The following STXBP5L variants were observed in gnomAD, a reference collection of about 807,000 sequenced individuals.
STXBP5L encodes syntaxin binding protein 5L.
In STXBP5L, 65 loss-of-function variants were observed where a neutral mutation model predicts 144.5. The observed-to-expected ratio is 0.45, with a 90% CI of 0.37 to 0.55. The LOEUF (loss-of-function observed/expected upper bound fraction) is 0.55. STXBP5L is among the 20% of genes least tolerant of loss of function. STXBP5L has a pLI of 0.00. For missense variants in STXBP5L, 1,298 were observed against 1,405.5 expected (o/e 0.92, Z 1.22); for synonymous variants, 505 against 469.6 (o/e 1.08, Z -0.97).
intron 6 of STXBP5L, among the ~76,000 whole-genome samples, chr3:121,115,629 A>T (rs1436886135): frequency 6.6e-6 from 1 of 152,150 alleles, no homozygotes; most frequent in Non-Finnish European, 1.5e-5. Flanking sequence ...AGCCATCTGT[A>T]TTCAGCCATT....
chr3:120,992,936 C>A (rs1376147136), intron 3 of STXBP5L, among the ~76,000 whole-genome samples: 1 of 152,044 alleles, frequency 6.6e-6, no homozygotes, highest in Non-Finnish European at 1.5e-5. Context: ...ATAAGAGTTC[C>A]TTTTCTCCAC....
intron 7 of STXBP5L, among the ~76,000 whole-genome samples, chr3:121,152,011 G>A (rs1442271282): frequency 1.3e-5 from 2 of 151,490 alleles, no homozygotes; most frequent in East Asian, 3.9e-4. Context: ...ATCTTCAGAG[G>A]GTTCATAAAA....
intron 9 of STXBP5L, among the ~76,000 whole-genome samples, chr3:121,176,725 T>C: frequency 6.6e-6 from 1 of 151,630 alleles, no homozygotes; most frequent in East Asian, 1.9e-4. Flanking sequence ...AGAACAAATG[T>C]TCTCATCTAA....
At chr3:121,408,397 T>A (rs1023233911) in intron 23 of STXBP5L, among the ~76,000 whole-genome samples, 2 of 151,884 alleles carry the variant, frequency 1.3e-5, no homozygotes, top group African/African-American at 4.8e-5. Flanking sequence ...GATATAAAAA[T>A]TAGTAGAACA....
At chr3:120,981,922 T>G (rs4311161) in intron 3 of STXBP5L, among the ~76,000 whole-genome samples, 15,155 of 152,184 alleles carry the variant, frequency 0.1, 1,193 homozygotes, top group Admixed American at 0.2. Context: ...CTTTCAGGTA[T>G]CAAGGTACTG....
chr3:121,233,335 T>C (rs1328685647), intron 11 of STXBP5L, among the ~76,000 whole-genome samples: 2 of 152,186 alleles, frequency 1.3e-5, no homozygotes, highest in African/African-American at 4.8e-5. Flanking sequence ...ACAGATTCAC[T>C]GTCTTCACAT....
chr3:121,334,127 C>T (rs1338204349), intron 20 of STXBP5L, among the ~76,000 whole-genome samples: 2 of 152,060 alleles, frequency 1.3e-5, no homozygotes, highest in Non-Finnish European at 2.9e-5. Flanking sequence ...GTGACTTGCT[C>T]CTTTTTGCCT....
chr3:121,054,033 A>G (rs1317870075), intron 5 of STXBP5L, among the ~76,000 whole-genome samples: 2 of 152,186 alleles, frequency 1.3e-5, no homozygotes, highest in Admixed American at 6.5e-5. Flanking sequence ...AATCAAAACC[A>G]CAATGAGATA....
chr3:120,992,174 C>A (rs1440110126), intron 3 of STXBP5L, among the ~76,000 whole-genome samples: 1 of 151,752 alleles, frequency 6.6e-6, no homozygotes. Flanking sequence ...TAGATTGATT[C>A]TTAATATTTC....
At chr3:121,300,645 A>G (rs1411805515) in intron 19 of STXBP5L, among the ~76,000 whole-genome samples, 4 of 152,156 alleles carry the variant, frequency 2.6e-5, no homozygotes, top group Non-Finnish European at 4.4e-5. Context: ...AGAGAGGTGT[A>G]GCTAAGAAGC....
chr3:121,006,500 A>G (rs1281221845), intron 3 of STXBP5L, among the ~76,000 whole-genome samples: 10 of 151,772 alleles, frequency 6.6e-5, no homozygotes, highest in East Asian at 1.9e-4. Context: ...TCTTGACTCT[A>G]TCCACTTTGC....
Position 121,418,984 on chromosome 3 carries a change from C to T in STXBP5L, c.3448-72C>T. 2.0e-6 allele frequency: 3 copies of T among 1,495,070 alleles called. No individual in the cohort carries two copies. In the South Asian group the frequency reaches 3.8e-5, roughly 19 times the overall value. The allele number at this position is 1,495,070 out of a possible 1,614,324, so 92.6% of individuals were successfully genotyped here. On this transcript the variant is annotated intron_variant, in intron 26 of 26. Transcript: ENST00000471454. The stretch of plus-strand genomic sequence containing the variant: ...TTGAGATAGATTTGCATGATTAGCT[C>T]AAAATGGCCTTGCTTTGAATAGCAC...
chr3:121,094,800 T>A (rs1301813296), intron 5 of STXBP5L, among the ~76,000 whole-genome samples: 1 of 152,158 alleles, frequency 6.6e-6, no homozygotes, highest in East Asian at 1.9e-4. Flanking sequence ...TATGTGTGAA[T>A]TTGAACCTTT....
chr3:121,319,589 C>T (rs1356752351), intron 20 of STXBP5L, among the ~76,000 whole-genome samples: 1 of 152,114 alleles, frequency 6.6e-6, no homozygotes, highest in South Asian at 2.1e-4. Flanking sequence ...TTTGCATTCT[C>T]ATTGACACCA....
At chr3:121,288,442 A>G (rs1338806568) in intron 19 of STXBP5L, among the ~76,000 whole-genome samples, 1 of 152,186 alleles carries the variant, frequency 6.6e-6, no homozygotes, top group East Asian at 1.9e-4. Context: ...GGCTGAACTA[A>G]TATACACTCT....
Position 121,284,764 on chromosome 3 carries a change from C to T in STXBP5L, c.2110+4808C>T, listed in dbSNP as rs997039527. 5.9e-5 allele frequency among the ~76,000 whole-genome samples: 9 copies of T among 152,030 alleles called. No homozygotes were observed. In the East Asian group the frequency reaches 9.6e-4, roughly 16 times the overall value. On this transcript the variant is annotated intron_variant, in intron 19 of 26. Transcript: ENST00000471454. ...TCATAGTTTCTAACTAGAGACCTAA[C>T]GTTTTAAGTCAGAAGTAAAATCAAG...
intron 23 of STXBP5L, among the ~76,000 whole-genome samples, chr3:121,410,185 G>A (rs1370027099): frequency 6.6e-6 from 1 of 151,560 alleles, no homozygotes; most frequent in African/African-American, 2.4e-5. Context: ...AGATTTGGGG[G>A]GGAAAAAAGG....
Position 121,392,946 on chromosome 3 carries a change from C to T in STXBP5L, c.2587+11414C>T, listed in dbSNP as rs2046632302. 2.0e-5 allele frequency among the ~76,000 whole-genome samples: 3 copies of T among 151,570 alleles called. No individual in the cohort carries two copies. The South Asian group carries it at 6.2e-4, about 31-fold the overall frequency. On this transcript the variant is annotated intron_variant, in intron 22 of 26. Transcript: ENST00000471454. ...TATTTCTTTTCTTTTGTATAAATAGCAGGTAGTGGGATCACTTGATCAAAA... is the reference window on the plus strand; with the variant it reads ...TATTTCTTTTCTTTTGTATAAATAGTAGGTAGTGGGATCACTTGATCAAAA...
chr3:120,980,774 C>G (rs1941686307), intron 3 of STXBP5L, among the ~76,000 whole-genome samples: 1 of 152,006 alleles, frequency 6.6e-6, no homozygotes, highest in South Asian at 2.1e-4. Flanking sequence ...GGTTTGCAAT[C>G]TTGGTTGTGT....
Sources: allele counts gnomAD v4.1 joint callset (sites outside exome capture counted in the v4.1 genomes callset), GRCh38; gene constraint gnomAD v4.1.1; transcripts MANE v1.5; gene names NCBI Gene and HGNC (gene_info 2026-07-23, HGNC 2026-07-21).